SDK1: variants seen among roughly 807,000 people sequenced by gnomAD.
SDK1 encodes the protein protein sidekick-1.
SDK1 carries 157 observed loss-of-function variants against 245.5 expected under a neutral mutation model. The ratio of observed to expected loss-of-function variants is 0.64; its 90% CI spans 0.56 to 0.73. The LOEUF is 0.73. SDK1 is among the 30% of genes least tolerant of loss of function. The pLI is 0.00. For missense variants in SDK1, 3,583 were observed against 3,002.3 expected (o/e 1.19, Z -4.52); for synonymous variants, 1,647 against 1,278.5 (o/e 1.29, Z -6.15).
rs549187793 is a variant in SDK1, at chr7:3,571,762, G to A, written c.299-47318G>A. ...TAACATTCTTGGTAATCAGAGAATG[G>A]GATTAAATTTTTAACTTGGATGGAG... is the stretch of plus-strand genomic sequence containing the variant. On this transcript the variant is annotated intron_variant, in intron 1 of 44. Transcript: ENST00000404826. Among the ~76,000 whole-genome samples the A allele has an allele frequency of 8.7e-4, 132 of 152,128 alleles. 1 individual carries two copies. Among genetic ancestry groups the A allele is most frequent in the Non-Finnish European group, 6.9e-4 (47 of 67,960 alleles).
chr7:3,470,546 TAGTC>T (rs147862923), intron 1 of SDK1, among the ~76,000 whole-genome samples: 5,012 of 152,284 alleles, frequency 0.033, 144 homozygotes, highest in African/African-American at 0.063. Flanking sequence ...TTGAGGTTCT[TAGTC>T]AGTAAGAAAA....
intron 5 of SDK1, among the ~76,000 whole-genome samples, chr7:3,843,369 G>T (rs1780204543): frequency 6.6e-6 from 1 of 152,174 alleles, no homozygotes; most frequent in Non-Finnish European, 1.5e-5. Flanking sequence ...ACTGCAGATG[G>T]GATATGATTT....
chr7:3,385,060 C>A (rs1781576848), intron 1 of SDK1, among the ~76,000 whole-genome samples: 1 of 152,066 alleles, frequency 6.6e-6, no homozygotes, highest in Admixed American at 6.5e-5. Context: ...AACAGTTTGT[C>A]AGTACTGTTT....
At chr7:3,952,699 A>C (rs945977921) in intron 7 of SDK1, among the ~76,000 whole-genome samples, 7 of 152,174 alleles carry the variant, frequency 4.6e-5, no homozygotes, top group South Asian at 2.1e-4. Context: ...AACTTAAAAA[A>C]AAAAAGAGAA....
intron 17 of SDK1, among the ~76,000 whole-genome samples, chr7:4,019,625 C>T (rs777602557): frequency 2.6e-5 from 4 of 152,054 alleles, no homozygotes; most frequent in Non-Finnish European, 5.9e-5. Flanking sequence ...AAAAAATGCT[C>T]TTCATGAGTG....
intron 41 of SDK1, among the ~76,000 whole-genome samples, chr7:4,234,219 A>G (rs1443692313): frequency 6.6e-6 from 1 of 152,166 alleles, no homozygotes; most frequent in Non-Finnish European, 1.5e-5. Flanking sequence ...GATGGCGTGC[A>G]GGTGAAGGTA....
intron 1 of SDK1, among the ~76,000 whole-genome samples, chr7:3,399,829 C>T (rs1014679798): frequency 3.3e-5 from 5 of 152,054 alleles, no homozygotes; most frequent in Non-Finnish European, 5.9e-5. Flanking sequence ...GTTCCAGATA[C>T]CCACTGTGGA....
chr7:3,711,414 CAAAT>C (rs1405598561), intron 4 of SDK1, among the ~76,000 whole-genome samples: 1 of 152,076 alleles, frequency 6.6e-6, no homozygotes, highest in Admixed American at 6.6e-5. Context: ...TCCAAGTAAA[CAAAT>C]GAATAAACAA....
At chr7:4,202,928 C>G (rs1192274876) in intron 35 of SDK1, among the ~76,000 whole-genome samples, 1 of 152,200 alleles carries the variant, frequency 6.6e-6, no homozygotes, top group South Asian at 2.1e-4. Context: ...CCATGAGCTG[C>G]TGGTGCTCTC....
chr7:3,879,983 C>G (rs148178137), intron 5 of SDK1, among the ~76,000 whole-genome samples: 86 of 152,080 alleles, frequency 5.7e-4, no homozygotes, highest in African/African-American at 1.6e-3. Context: ...AGAGAGAGAT[C>G]AAGGCTGTAT....
intron 28 of SDK1, among the ~76,000 whole-genome samples, chr7:4,140,086 C>T (rs1026006405): frequency 2.0e-5 from 3 of 152,158 alleles, no homozygotes; most frequent in Non-Finnish European, 4.4e-5. Flanking sequence ...GTCACCACCT[C>T]CCTGGGAGCA....
At chr7:3,372,375 T>C (rs919703200) in intron 1 of SDK1, among the ~76,000 whole-genome samples, 5 of 152,120 alleles carry the variant, frequency 3.3e-5, no homozygotes, top group Non-Finnish European at 7.3e-5. Context: ...AAATTAAAAA[T>C]CCAGGGCTAG....
chr7:3,855,561 A>G (rs1042474405), intron 5 of SDK1, among the ~76,000 whole-genome samples: 2 of 152,104 alleles, frequency 1.3e-5, no homozygotes, highest in South Asian at 4.1e-4. Context: ...GAAATAATGT[A>G]TGTAAAAAAA....
intron 4 of SDK1, among the ~76,000 whole-genome samples, chr7:3,784,628 A>C (rs1780845080): frequency 6.6e-6 from 1 of 152,210 alleles, no homozygotes; most frequent in South Asian, 2.1e-4. Context: ...ATCAGAAATC[A>C]CTAAGGAAAT....
At chr7:3,433,832 C>G (rs185789439) in intron 1 of SDK1, among the ~76,000 whole-genome samples, 177 of 152,282 alleles carry the variant, frequency 1.2e-3, no homozygotes, top group Admixed American at 1.8e-3. Flanking sequence ...GACAACCTTA[C>G]AGAGTACATA....
intron 1 of SDK1, among the ~76,000 whole-genome samples, chr7:3,594,001 A>C (rs992533040): frequency 2.0e-5 from 3 of 152,186 alleles, no homozygotes; most frequent in African/African-American, 7.2e-5. Context: ...TGTGTAATTC[A>C]TGATTTTTAA....
intron 4 of SDK1, among the ~76,000 whole-genome samples, chr7:3,689,941 G>T (rs1301766097): frequency 6.6e-6 from 1 of 152,208 alleles, no homozygotes; most frequent in African/African-American, 2.4e-5. Context: ...TTTCAGTTTA[G>T]AAATACTTGT....
At chr7:4,115,901 A>G (rs1268115031) in intron 25 of SDK1, among the ~76,000 whole-genome samples, 1 of 152,250 alleles carries the variant, frequency 6.6e-6, no homozygotes, top group African/African-American at 2.4e-5. Context: ...ATGGACAGAA[A>G]GATGAGCTAG....
chr7:3,376,835 C>T (rs1781367695), intron 1 of SDK1, among the ~76,000 whole-genome samples: 2 of 152,024 alleles, frequency 1.3e-5, no homozygotes, highest in South Asian at 4.2e-4. Flanking sequence ...GTCAAATTTT[C>T]TTCCTTTTTC....
Sources: gnomAD v4.1 joint callset for allele counts (sites outside exome capture counted in the v4.1 genomes callset) on GRCh38, gnomAD v4.1.1 for gene constraint, MANE v1.5 for transcripts, NCBI Gene and HGNC (gene_info 2026-07-23, HGNC 2026-07-21) for gene names.